The following ATP8A2 variants were observed in gnomAD, a reference collection of about 807,000 sequenced individuals.
ATP8A2 encodes ATPase phospholipid transporting 8A2.
A neutral mutation model predicts 165.6 loss-of-function variants in ATP8A2; 100 were observed. The observed-to-expected ratio is 0.60, with a 90% CI of 0.51 to 0.71. ATP8A2 has a LOEUF of 0.71. Ranked by LOEUF, ATP8A2 falls within the 30% of genes least tolerant of loss-of-function variation. The pLI, the probability that ATP8A2 is intolerant of heterozygous loss-of-function variation, is 0.00. For synonymous variants in ATP8A2, 543 were observed against 548.8 expected, an observed-to-expected ratio of 0.99 and a Z score of 0.15; for missense variants, 1,227 against 1,479.5, an observed-to-expected ratio of 0.83 and a Z score of 2.80.
chr13:25,803,845 A>C (rs1593371891), intron 27 of ATP8A2, among the ~76,000 whole-genome samples: 2 of 152,366 alleles, frequency 1.3e-5, no homozygotes, highest in Non-Finnish European at 2.9e-5. Flanking sequence ...AGTACTGAAG[A>C]GGCATCTGAG....
chr13:25,659,318 G>A (rs1462258042), intron 24 of ATP8A2, among the ~76,000 whole-genome samples: 1 of 152,238 alleles, frequency 6.6e-6, no homozygotes, highest in Non-Finnish European at 1.5e-5. Context: ...CTTTAGGCAA[G>A]TTAAGATCAA....
intron 33 of ATP8A2, among the ~76,000 whole-genome samples, chr13:25,923,350 A>C (rs1954514387): frequency 6.6e-6 from 1 of 152,200 alleles, no homozygotes. Flanking sequence ...AGCACACCGC[A>C]AGACATTTGG....
At chr13:25,508,656 G>A (rs1273301893) in intron 2 of ATP8A2, among the ~76,000 whole-genome samples, 1 of 152,190 alleles carries the variant, frequency 6.6e-6, no homozygotes, top group Non-Finnish European at 1.5e-5. Context: ...TATAAACTTG[G>A]AGAAAAGATG....
chr13:25,865,990 C>T (rs1952499832), intron 33 of ATP8A2, among the ~76,000 whole-genome samples: 1 of 152,102 alleles, frequency 6.6e-6, no homozygotes, highest in African/African-American at 2.4e-5. Flanking sequence ...GTCCCCAAAG[C>T]AAATACTTGA....
intron 15 of ATP8A2, among the ~76,000 whole-genome samples, chr13:25,562,447 G>A (rs2039185602): frequency 6.6e-6 from 1 of 152,200 alleles, no homozygotes; most frequent in Non-Finnish European, 1.5e-5. Flanking sequence ...GGCTGTGTGT[G>A]GAGTGGGGCC....
intron 30 of ATP8A2, among the ~76,000 whole-genome samples, chr13:25,857,674 G>A (rs1236707178): frequency 6.9e-6 from 1 of 145,234 alleles, no homozygotes; most frequent in East Asian, 2.1e-4. Flanking sequence ...AGGTTCAAGT[G>A]ATTCTCCTGC....
At chr13:25,467,750 A>T (rs1593350675) in intron 1 of ATP8A2, among the ~76,000 whole-genome samples, 1 of 151,776 alleles carries the variant, frequency 6.6e-6, no homozygotes, top group Admixed American at 6.6e-5. Context: ...ATGGGGTTTC[A>T]CCGTGTTAGC....
At chr13:25,703,931 T>C (rs1422241760) in intron 25 of ATP8A2, among the ~76,000 whole-genome samples, 1 of 152,358 alleles carries the variant, frequency 6.6e-6, no homozygotes, top group East Asian at 1.9e-4. Context: ...TTTTATCTTA[T>C]GTGATTTCTA....
intron 25 of ATP8A2, 61 bp downstream of exon 25, chr13:25,699,406 C>T: frequency 8.0e-7 from 1 of 1,243,368 alleles, no homozygotes; most frequent in Admixed American, 2.9e-5. Context: ...CGTGCTTATA[C>T]AAAAGAAAGG....
intron 33 of ATP8A2, among the ~76,000 whole-genome samples, chr13:25,878,244 CCT>C (rs1952872564): frequency 6.6e-6 from 1 of 152,070 alleles, no homozygotes; most frequent in Non-Finnish European, 1.5e-5. Flanking sequence ...TTCAGACAAC[CCT>C]GTGACTTGCT....
At chr13:25,607,651 C>G (rs1018120582) in intron 24 of ATP8A2, among the ~76,000 whole-genome samples, 1 of 152,150 alleles carries the variant, frequency 6.6e-6, no homozygotes, top group South Asian at 2.1e-4. Context: ...TGGAAACTGA[C>G]TCAATTCCAG....
At chr13:25,431,707 G>T (rs2034619735) in intron 1 of ATP8A2, among the ~76,000 whole-genome samples, 2 of 152,102 alleles carry the variant, frequency 1.3e-5, no homozygotes, top group African/African-American at 4.8e-5. Context: ...CTTACCTCTT[G>T]ATTAAAATAT....
At chr13:25,435,031 G>A (rs938309201) in intron 1 of ATP8A2, among the ~76,000 whole-genome samples, 7 of 152,108 alleles carry the variant, frequency 4.6e-5, no homozygotes, top group Non-Finnish European at 1.0e-4. Context: ...CTGTGCTGGG[G>A]CACCTTGAGT....
chr13:25,924,122 G>C (rs555986206), intron 33 of ATP8A2, among the ~76,000 whole-genome samples: 1 of 152,270 alleles, frequency 6.6e-6, no homozygotes, highest in Admixed American at 6.5e-5. Context: ...CTCCTTCCAC[G>C]TTGTCTGCTG....
intron 1 of ATP8A2, among the ~76,000 whole-genome samples, chr13:25,427,204 G>A (rs1475063194): frequency 6.6e-6 from 1 of 152,064 alleles, no homozygotes; most frequent in Non-Finnish European, 1.5e-5. Flanking sequence ...TACTGCCTGA[G>A]CTCCGCCTCC....
At chr13:25,589,812 A>C (rs938073993) in intron 24 of ATP8A2, 113 bp downstream of exon 24, 2 of 645,854 alleles carry the variant, frequency 3.1e-6, no homozygotes, top group Non-Finnish European at 5.4e-6. Context: ...TTATGAAAAA[A>C]CTGTGTTTAT....
intron 24 of ATP8A2, among the ~76,000 whole-genome samples, chr13:25,679,969 G>A (rs1174882119): frequency 6.6e-6 from 1 of 152,160 alleles, no homozygotes; most frequent in Non-Finnish European, 1.5e-5. Flanking sequence ...TACCAGTCTA[G>A]AGTGATTCAC....
intron 2 of ATP8A2, among the ~76,000 whole-genome samples, chr13:25,517,399 A>G (rs1198966245): frequency 1.3e-5 from 2 of 152,186 alleles, no homozygotes; most frequent in South Asian, 2.1e-4. Flanking sequence ...TCAAAATGTT[A>G]TCTTCTTCTC....
chr13:25,664,143 A>G (rs988290001), intron 24 of ATP8A2, among the ~76,000 whole-genome samples: 2 of 152,180 alleles, frequency 1.3e-5, no homozygotes, highest in Admixed American at 6.5e-5. Flanking sequence ...TGGGAGGGCA[A>G]CAGAGCCAGA....
Sources: gnomAD v4.1 joint callset for allele counts (sites outside exome capture counted in the v4.1 genomes callset) on GRCh38, gnomAD v4.1.1 for gene constraint, MANE v1.5 for transcripts, NCBI Gene and HGNC (gene_info 2026-07-23, HGNC 2026-07-21) for gene names.